The following DDX4 variants were observed in gnomAD, a reference collection of about 807,000 sequenced individuals.
The protein encoded by DDX4 is probable ATP-dependent RNA helicase DDX4.
In DDX4, 25 loss-of-function variants were observed where a neutral mutation model predicts 100.0. The ratio of observed to expected loss-of-function variants is 0.25; its 90% CI spans 0.18 to 0.35. The LOEUF (loss-of-function observed/expected upper bound fraction) is 0.35. Among genes scored for constraint, DDX4 ranks in the 10% least tolerant of loss-of-function variants. DDX4 has a pLI of 1.00. For synonymous variants in DDX4, 259 were observed against 275.7 expected (o/e 0.94, Z 0.60); for missense variants, 635 against 882.4 (o/e 0.72, Z 3.55).
chr5:55,743,398 C>T (rs1425553138), intron 2 of DDX4, among the ~76,000 whole-genome samples: 4 of 152,130 alleles, frequency 2.6e-5, no homozygotes, highest in African/African-American at 7.2e-5. Context: ...AAATCTTTAA[C>T]TTAATTTCAT....
chr5:55,808,108 A>G (rs1312436146), intron 18 of DDX4, among the ~76,000 whole-genome samples: 1 of 152,140 alleles, frequency 6.6e-6, no homozygotes, highest in Non-Finnish European at 1.5e-5. Context: ...AGTTGATTGA[A>G]TCGGCTACTG....
At chr5:55,790,790 G>A in intron 16 of DDX4, 85 bp downstream of exon 16, 2 of 1,183,228 alleles carry the variant, frequency 1.7e-6, no homozygotes, top group South Asian at 1.3e-5. Context: ...AAAGACAGAT[G>A]TATTTAGTAG....
intron 7 of DDX4, among the ~76,000 whole-genome samples, chr5:55,771,829 T>A (rs1208712082): frequency 1.3e-5 from 2 of 152,250 alleles, no homozygotes; most frequent in Non-Finnish European, 2.9e-5. Flanking sequence ...TTTGGACATC[T>A]GGACATCTTT....
chr5:55,816,363 C>A, intron 21 of DDX4, 100 bp from the exon 22 acceptor site: 1 of 1,473,860 alleles, frequency 6.8e-7, no homozygotes, highest in Non-Finnish European at 9.0e-7. Context: ...ATGGTAGATA[C>A]TTTGAGTCCT....
At chr5:55,765,886 C>T (rs1206608049) in intron 6 of DDX4, among the ~76,000 whole-genome samples, 2 of 152,030 alleles carry the variant, frequency 1.3e-5, no homozygotes, top group South Asian at 4.1e-4. Context: ...CTCACTGCAA[C>T]CTCTGCGTCC....
intron 7 of DDX4, among the ~76,000 whole-genome samples, chr5:55,771,318 C>G (rs1382869615): frequency 6.6e-6 from 1 of 152,094 alleles, no homozygotes; most frequent in East Asian, 1.9e-4. Context: ...CTCATTACCC[C>G]CAAAACTTCT....
chr5:55,809,756 T>TCTC (rs889644851), intron 18 of DDX4, among the ~76,000 whole-genome samples: 5 of 152,178 alleles, frequency 3.3e-5, no homozygotes, highest in African/African-American at 1.2e-4. Context: ...GAATGCCATG[T>TCTC]GTAAGTCTGA....
intron 17 of DDX4, 38 bp downstream of exon 17, chr5:55,792,845 A>G: frequency 8.7e-7 from 1 of 1,146,352 alleles, no homozygotes; most frequent in Non-Finnish European, 1.1e-6. Context: ...AATTATATAT[A>G]TATACATACT....
chr5:55,777,745 TTAAAAG>T (rs995167616), intron 7 of DDX4, among the ~76,000 whole-genome samples: 24 of 152,088 alleles, frequency 1.6e-4, no homozygotes, highest in Admixed American at 3.3e-4. Context: ...ACCCTGAAAC[TTAAAAG>T]TAAAGAGAAA....
At chr5:55,744,960 A>C (rs576048877) in intron 2 of DDX4, among the ~76,000 whole-genome samples, 30 of 152,022 alleles carry the variant, frequency 2.0e-4, no homozygotes, top group Non-Finnish European at 7.4e-5. Context: ...GGCTCACCAC[A>C]ACCTCTGCCT....
At chr5:55,801,397 G>T (rs1026355101) in intron 18 of DDX4, among the ~76,000 whole-genome samples, 1 of 152,170 alleles carries the variant, frequency 6.6e-6, no homozygotes, top group Non-Finnish European at 1.5e-5. Context: ...AGAGGTAGAT[G>T]TAAAACTGGT....
chr5:55,811,148 G>A (rs1386663151), intron 18 of DDX4, among the ~76,000 whole-genome samples: 1 of 151,712 alleles, frequency 6.6e-6, no homozygotes, highest in Admixed American at 6.6e-5. Flanking sequence ...ACTCTCATAA[G>A]CGAAAGCATT....
intron 2 of DDX4, among the ~76,000 whole-genome samples, chr5:55,741,624 C>T (rs552162002): frequency 1.3e-5 from 2 of 152,148 alleles, no homozygotes; most frequent in South Asian, 4.2e-4. Context: ...CCCTTCTCTA[C>T]TAAAAATACA....
rs188057144 is a variant in DDX4 at position 55,808,811 on chromosome 5, C to T, written c.1616-4862C>T. On this transcript the variant is annotated intron_variant, in intron 18 of 21. Transcript: ENST00000505374. ...CTGTCCCTTCTCAGATGTCTGGCTG[C>T]GTGCTGGGAGAACCACTACTCTCTT... 2.8e-3 allele frequency among the ~76,000 whole-genome samples: 424 copies of T among 152,306 alleles called. 2 individuals are homozygous for T. The highest frequency in any genetic ancestry group is 3.8e-3 in the Admixed American group (58 of 15,304).
rs778106697 is a variant in DDX4 at position 55,787,886 on chromosome 5, A to T, written c.1058A>T (p.Asp353Val). 11 of 1,613,858 alleles carry T rather than the reference A, an allele frequency of 6.8e-6. No individual in the cohort carries two copies. The African/African-American group carries it at 8.0e-5, about 12-fold the overall frequency. Residue 353 changes from aspartate to valine, a missense_variant, in exon 15 of 22, where the codon GAT becomes GTT. Asp to Val is a radical substitution (Grantham distance 152, BLOSUM62 -3). Transcript: ENST00000505374. ...LLPILAHMMH[D>V]GITASRFKEL... The stretch of plus-strand genomic sequence containing the variant: ...CCAATTTTGGCTCATATGATGCATG[A>T]TGGAATAACTGCCAGTCGTTTTAAA...
At chr5:55,776,003 C>G (rs1741538379) in intron 7 of DDX4, among the ~76,000 whole-genome samples, 1 of 152,108 alleles carries the variant, frequency 6.6e-6, no homozygotes, top group South Asian at 2.1e-4. Flanking sequence ...GCCCTGTAGT[C>G]CCAGCTACTT....
chr5:55,809,219 C>G (rs1170666545), intron 18 of DDX4, among the ~76,000 whole-genome samples: 3 of 152,200 alleles, frequency 2.0e-5, no homozygotes, highest in Admixed American at 6.5e-5. Flanking sequence ...TCTGTCACCC[C>G]TTTCTTTGAC....
In DDX4 at chr5:55,760,995, TA is replaced by T. The variant is rs1740502923; in HGVS notation, c.205+719del. ...ACTTATTCTTGAATTTATGAGATGT[TA>T]TTTTTTGAAAAACTCTATTGAGACT... On this transcript the variant is annotated intron_variant, in intron 4 of 21. Coordinates refer to ENST00000505374, the MANE Select transcript of DDX4 (RefSeq NM_024415.3). Among the ~76,000 whole-genome samples, 3 of 152,214 alleles carry T rather than the reference TA, an allele frequency of 2.0e-5. No homozygotes were observed. In the South Asian group the frequency reaches 6.2e-4, roughly 32 times the overall value.
intron 4 of DDX4, 148 bp from the exon 5 acceptor site, chr5:55,763,027 G>T: frequency 1.9e-6 from 1 of 535,550 alleles, no homozygotes; most frequent in South Asian, 3.2e-5. Context: ...TTAAGTTGCA[G>T]GTATATTAAT....
Sources: allele counts gnomAD v4.1 joint callset (sites outside exome capture counted in the v4.1 genomes callset), GRCh38; gene constraint gnomAD v4.1.1; transcripts MANE v1.5; gene names NCBI Gene and HGNC (gene_info 2026-07-23, HGNC 2026-07-21).